TENM3: variants seen among roughly 807,000 people sequenced by gnomAD.
TENM3 encodes the protein teneurin transmembrane protein 3.
Under a neutral mutation model 255.1 loss-of-function variants are expected in TENM3, and 63 were observed. That is an observed-to-expected ratio of 0.25 (90% CI 0.20 to 0.30). TENM3 has a LOEUF of 0.30. TENM3 is among the 10% of genes least tolerant of loss of function. The pLI is 1.00. For synonymous variants in TENM3, 1,306 were observed against 1,322.3 expected (o/e 0.99, Z 0.27); for missense variants, 2,929 against 3,461.1 (o/e 0.85, Z 3.86).
At chr4:182,240,536 A>G (rs754285380), upstream of TENM3, among the ~76,000 whole-genome samples, 4 of 152,220 alleles carry the variant, frequency 2.6e-5, no homozygotes, top group African/African-American at 4.8e-5. Context: ...GATGTAGACC[A>G]TGTGTCATCA....
intron 1 of TENM3, among the ~76,000 whole-genome samples, chr4:182,285,585 G>C (rs146916149): frequency 1.3e-5 from 2 of 152,134 alleles, no homozygotes; most frequent in Non-Finnish European, 2.9e-5. Flanking sequence ...TCCTCTAGAA[G>C]GTGCATGAGG....
At chr4:182,149,894 A>C (rs2149574576) in intron 1 of TENM3, among the ~76,000 whole-genome samples, 1 of 152,204 alleles carries the variant, frequency 6.6e-6, no homozygotes, top group East Asian at 1.9e-4. Flanking sequence ...GAGCATGCAA[A>C]AACACAGTGA....
chr4:182,305,905 G>C (rs937987344), intron 1 of TENM3, among the ~76,000 whole-genome samples: 1 of 152,092 alleles, frequency 6.6e-6, no homozygotes, highest in Non-Finnish European at 1.5e-5. Flanking sequence ...AAAGAATTTC[G>C]TACACCATTG....
At chr4:182,574,318 T>G (rs897948105) in intron 3 of TENM3, among the ~76,000 whole-genome samples, 7 of 152,138 alleles carry the variant, frequency 4.6e-5, no homozygotes, top group African/African-American at 1.7e-4. Context: ...ATTTATTCAC[T>G]AATTTATTCT....
chr4:181,598,322 T>C, the TENM3 span, among the ~76,000 whole-genome samples: 9 of 152,154 alleles, frequency 5.9e-5, no homozygotes, highest in Non-Finnish European at 1.2e-4. Context: ...GGGCTTTCAT[T>C]CCTGAACTAC....
chr4:182,506,995 C>G (rs1467755385), intron 3 of TENM3, among the ~76,000 whole-genome samples: 1 of 152,142 alleles, frequency 6.6e-6, no homozygotes, highest in African/African-American at 2.4e-5. Flanking sequence ...CTGTCATATT[C>G]ATGATCCGTG....
At chr4:181,505,423 A>C in the TENM3 span, among the ~76,000 whole-genome samples, 1 of 152,176 alleles carries the variant, frequency 6.6e-6, no homozygotes, top group Non-Finnish European at 1.5e-5. Flanking sequence ...GATGGAGTTT[A>C]ATTTTCTTTG....
chr4:182,121,961 C>T, the TENM3 span, among the ~76,000 whole-genome samples: 83 of 152,330 alleles, frequency 5.4e-4, no homozygotes, highest in African/African-American at 1.9e-3. Context: ...ACTGCTTTAT[C>T]AACTAAGTGT....
chr4:182,071,695 TTAAA>T, the TENM3 span, among the ~76,000 whole-genome samples: 2 of 152,170 alleles, frequency 1.3e-5, no homozygotes, highest in South Asian at 4.1e-4. Context: ...ATATAGCACC[TTAAA>T]TATTTATCTT....
At chr4:182,262,563 C>A (rs545139790) in intron 1 of TENM3, among the ~76,000 whole-genome samples, 1 of 152,048 alleles carries the variant, frequency 6.6e-6, no homozygotes, top group African/African-American at 2.4e-5. Flanking sequence ...GCCATGGCAA[C>A]GTCAGGAAGT....
chr4:181,997,144 A>G, the TENM3 span, among the ~76,000 whole-genome samples: 1 of 152,182 alleles, frequency 6.6e-6, no homozygotes, highest in Non-Finnish European at 1.5e-5. Flanking sequence ...TCTACTTTTC[A>G]GGTTTGTTTC....
chr4:181,693,459 T>C, the TENM3 span, among the ~76,000 whole-genome samples: 1,018 of 152,258 alleles, frequency 6.7e-3, 6 homozygotes, highest in Non-Finnish European at 0.01. Context: ...CCTGAGTGCC[T>C]GGTGCATTGT....
the TENM3 span, among the ~76,000 whole-genome samples, chr4:181,644,107 C>G: frequency 6.7e-6 from 1 of 149,792 alleles, no homozygotes; most frequent in African/African-American, 2.5e-5. Flanking sequence ...CAAGGGTGAG[C>G]AAGGAATTCT....
intron 3 of TENM3, among the ~76,000 whole-genome samples, chr4:182,362,460 G>A (rs894384555): frequency 1.2e-4 from 19 of 152,026 alleles, no homozygotes; most frequent in African/African-American, 4.1e-4. Context: ...CTGCCACCTT[G>A]CAGTTTGATC....
At chr4:182,342,245 T>C (rs1764532569) in intron 2 of TENM3, among the ~76,000 whole-genome samples, 1 of 152,208 alleles carries the variant, frequency 6.6e-6, no homozygotes, top group African/African-American at 2.4e-5. Context: ...CAAATGTCCA[T>C]TAACTGATGA....
the TENM3 span, among the ~76,000 whole-genome samples, chr4:181,712,096 C>T: frequency 6.6e-6 from 1 of 152,068 alleles, no homozygotes; most frequent in Non-Finnish European, 1.5e-5. Context: ...CTCTTTCTCA[C>T]TCCTCCCCAA....
intron 3 of TENM3, among the ~76,000 whole-genome samples, chr4:182,489,633 A>G (rs1735087430): frequency 6.6e-6 from 1 of 152,182 alleles, no homozygotes; most frequent in Non-Finnish European, 1.5e-5. Flanking sequence ...AGACTAACAT[A>G]ATTTCATGAA....
chr4:181,629,467 G>T, the TENM3 span, among the ~76,000 whole-genome samples: 2 of 152,194 alleles, frequency 1.3e-5, no homozygotes, highest in African/African-American at 4.8e-5. Context: ...AATATTGGCT[G>T]TGGGTTTGTC....
chr4:181,594,645 C>T, the TENM3 span, among the ~76,000 whole-genome samples: 5 of 152,158 alleles, frequency 3.3e-5, no homozygotes, highest in African/African-American at 1.2e-4. Flanking sequence ...CAACGGGTTC[C>T]ATGGTTCTTA....
Sources: allele counts gnomAD v4.1 joint callset (sites outside exome capture counted in the v4.1 genomes callset), GRCh38; gene constraint gnomAD v4.1.1; transcripts MANE v1.5; gene names NCBI Gene and HGNC (gene_info 2026-07-23, HGNC 2026-07-21).